Variants in SACS observed in about 807,000 individuals in gnomAD.
SACS encodes sacsin.
Under a neutral mutation model 348.0 loss-of-function variants are expected in SACS, and 197 were observed. That is an observed-to-expected ratio of 0.57 (90% confidence interval 0.50 to 0.64). The LOEUF is 0.64. Among genes scored for constraint, SACS ranks in the 30% least tolerant of loss-of-function variants. The probability of loss-of-function intolerance (pLI) is 0.00; values close to 1 mark genes in which losing one functional copy is unlikely to be tolerated. For synonymous variants in SACS, 1,985 were observed against 1,910.6 expected (o/e 1.04, Z -1.02); for missense variants, 4,999 against 5,360.8 (o/e 0.93, Z 2.11).
chr13:23,414,673 C>G lies in SACS; in HGVS notation c.-501-2933G>C, dbSNP rs536552914. On this transcript the variant is annotated intron_variant, in intron 1 of 9. Transcript: ENST00000382292. ...GTGGCAAATTATTAAATTTTACTCCCCATGGGCAATGATACATTTATTACA... is the reference window on the plus strand; with the variant it reads ...GTGGCAAATTATTAAATTTTACTCCGCATGGGCAATGATACATTTATTACA... Among the ~76,000 whole-genome samples, 15 of 152,330 alleles carry G rather than the reference C, an allele frequency of 9.8e-5. No individual in the cohort carries two copies. The South Asian group carries it at 3.1e-3, about 32-fold the overall frequency.
chr13:23,335,304 T>C lies in SACS; in HGVS notation c.8572A>G (p.Thr2858Ala). 4 of 1,613,900 alleles carry C rather than the reference T, an allele frequency of 2.5e-6. No homozygotes were observed. Among genetic ancestry groups the C allele is most frequent in the Non-Finnish European group, 3.4e-6 (4 of 1,179,866 alleles). ...CTATGGGGTTTTTTATAGTTGTGAG[T>C]AATGCAGGCAGCTACTCCACCACGT... Reference protein sequence around the residue: ...FPRGGVAACITHNYKKPHRAF... With the variant: ...FPRGGVAACIAHNYKKPHRAF... The change falls in exon 10 of 10, where the codon ACT becomes GCT. Residue 2858 changes from threonine (T) to alanine (A), a missense_variant. Thr to Ala is a moderately conservative substitution (Grantham distance 58). This residue lies in a region of SACS where 3,156 missense variants were observed against 3,380.1 expected (regional missense o/e 0.93). Transcript: ENST00000382292. The surrounding 1 kb of genome is among the most constrained non-coding windows in gnomAD (Gnocchi z 4.7).
Position 23,337,452 on chromosome 13 carries a change from G to C in SACS, c.6424C>G (p.Pro2142Ala). Residue 2142 changes from proline to alanine, a missense_variant, in exon 10 of 10, where the codon CCT becomes GCT. Transcript: ENST00000382292. ...TGAACTAGTTTAATCAAAATAATAGGATTGAGATAATCCTGAGTAGAACCA... is the reference window on the plus strand; with the variant it reads ...TGAACTAGTTTAATCAAAATAATAGCATTGAGATAATCCTGAGTAGAACCA... ...PYGSTQDYLN[P>A]IILIKLVQLG... The C allele has an allele frequency of 6.2e-7, 1 of 1,612,726 alleles. No homozygotes were observed. Among genetic ancestry groups the C allele is most frequent in the East Asian group, 2.2e-5 (1 of 44,856 alleles).
At chr13:23,372,893 T>A (rs1286518179) in intron 3 of SACS, among the ~76,000 whole-genome samples, 1 of 152,174 alleles carries the variant, frequency 6.6e-6, no homozygotes, top group East Asian at 1.9e-4. Context: ...GTATATCCTT[T>A]CCTTTGGTTT....
chr13:23,389,207 G>A (rs958357471), intron 2 of SACS, among the ~76,000 whole-genome samples: 16 of 151,906 alleles, frequency 1.1e-4, no homozygotes, highest in Non-Finnish European at 1.2e-4. Flanking sequence ...TGTGTATATA[G>A]CCTGTGTATA....
intron 1 of SACS, among the ~76,000 whole-genome samples, chr13:23,426,133 T>C (rs1874163789): frequency 6.6e-6 from 1 of 152,134 alleles, no homozygotes; most frequent in Non-Finnish European, 1.5e-5. Context: ...CTCTTACTTA[T>C]TCCCCACGAC....
intron 2 of SACS, among the ~76,000 whole-genome samples, chr13:23,379,821 C>T (rs1010377513): frequency 6.6e-6 from 1 of 152,190 alleles, no homozygotes; most frequent in African/African-American, 2.4e-5. Context: ...ACATTAGTTG[C>T]TGCCAACTGC....
rs778972918 is a variant in SACS, at chr13:23,331,150, C to T, written c.12726G>A (p.Leu4242=). 2 of 1,613,958 alleles carry T rather than the reference C, an allele frequency of 1.2e-6. No individual in the cohort carries two copies. The highest frequency in any genetic ancestry group is 4.5e-5 in the East Asian group (2 of 44,882). Residue 4242 remains leucine (L), a synonymous_variant, in exon 10 of 10, where the codon CTG becomes CTA. Transcript: ENST00000382292. ...SEYKIVSSLD[L]YKFSRPEESS... Reference sequence around the variant, plus strand: ...TTTCCTCAGGTCTTGAAAACTTATACAGATCAAGAGAGCTAACTATTTTAT... The same window carrying T: ...TTTCCTCAGGTCTTGAAAACTTATATAGATCAAGAGAGCTAACTATTTTAT...
chr13:23,369,605 C>T (rs747642918), intron 4 of SACS, among the ~76,000 whole-genome samples: 2 of 150,854 alleles, frequency 1.3e-5, no homozygotes, highest in African/African-American at 2.4e-5. Flanking sequence ...AGTGCAGTGG[C>T]GCAATCTCAG....
chr13:23,355,166 C>T lies in SACS; in HGVS notation c.1446G>A (p.Leu482=). The T allele has an allele frequency of 6.2e-7, 1 of 1,614,170 alleles. No individual in the cohort carries two copies. The highest frequency in any genetic ancestry group is 8.5e-7 in the Non-Finnish European group (1 of 1,180,038). The part of the protein sequence containing the change: ...DNRRSIKWRE[L]DQWRDPAALW... The stretch of plus-strand genomic sequence containing the variant: ...AGGCTGCCGGGTCTCTCCACTGGTC[C>T]AGCTCTCTCCATTTTATGCTCCTGC... The change falls in exon 8 of 10, where the codon CTG becomes CTA. Residue 482 remains leucine, a synonymous_variant. Transcript: ENST00000382292.
chr13:23,417,314 A>C (rs1382641493), intron 1 of SACS, among the ~76,000 whole-genome samples: 1 of 152,226 alleles, frequency 6.6e-6, no homozygotes, highest in Non-Finnish European at 1.5e-5. Flanking sequence ...AACCCCAGCA[A>C]CCTTGCAGAA....
chr13:23,397,201 A>C (rs375574404), intron 2 of SACS, among the ~76,000 whole-genome samples: 5 of 152,210 alleles, frequency 3.3e-5, no homozygotes, highest in African/African-American at 9.6e-5. Context: ...TTTGTAAAGG[A>C]AACTATTACA....
rs1252300151 is a variant in SACS at position 23,354,630 on chromosome 13, CT to C, written c.1981del (p.Ser661ValfsTer53). On this transcript the variant is annotated frameshift_variant, in exon 8 of 10. Transcript: ENST00000382292. LOFTEE classifies it high-confidence loss of function. ...LEFVLSDQAYSELLGLELLPL... is the reference protein window; with the variant it reads ...LEFVLSDQAYXELLGLELLPL... ...GAGCAGCTCCAGCCCAAGCAGCTCA[CT>C]GTAGGCTTGGTCAGAAAGCACAAAT... 6.2e-7 allele frequency: 1 copy of C among 1,614,116 alleles called. No individual in the cohort carries two copies. The highest frequency in any genetic ancestry group is 8.5e-7 in the Non-Finnish European group (1 of 1,180,054).
At position 23,355,955 on chromosome 13, in the gene SACS, TTGA is replaced by T; in HGVS notation, c.654_656del (p.His218del). 1 of 1,614,104 alleles carries T rather than the reference TTGA, an allele frequency of 6.2e-7. No homozygotes were observed. The highest frequency in any genetic ancestry group is 8.5e-7 in the Non-Finnish European group (1 of 1,180,010). On this transcript the variant is annotated inframe_deletion, in exon 8 of 10. Coordinates refer to ENST00000382292, the MANE Select transcript of SACS (RefSeq NM_014363.6). ...CTGATTCATGTGGGCCAAAAAGTGT[TTGA>T]TGAGGATCTAGCATCCCGATTTGGT...
chr13:23,365,284 A>G lies in SACS; in HGVS notation c.346-7T>C. On this transcript the variant is annotated splice_region_variant and splice_polypyrimidine_tract_variant and intron_variant, in intron 5 of 9. Transcript: ENST00000382292. ...CTGCATTCTGAATTAATTCCTAACC[A>G]AAAAATATACCAAAAAATAGTAATT... 1 of 1,500,888 alleles carries G rather than the reference A, an allele frequency of 6.7e-7. No individual in the cohort carries two copies. The highest frequency in any genetic ancestry group is 9.2e-7 in the Non-Finnish European group (1 of 1,088,354). The allele number at this position is 1,500,888 out of a possible 1,614,324, so 93.0% of individuals were successfully genotyped here.
In SACS at chr13:23,337,784, G is replaced by A. The variant is rs753422145; in HGVS notation, c.6092C>T (p.Ser2031Phe). 2.5e-6 allele frequency: 4 copies of A among 1,613,838 alleles called. No individual in the cohort carries two copies. Among genetic ancestry groups the A allele is most frequent in the Non-Finnish European group, 2.5e-6 (3 of 1,179,954 alleles). Residue 2031 changes from serine (S) to phenylalanine (F), a missense_variant, in exon 10 of 10, where the codon TCT becomes TTT. Around this residue, in one of 6 missense-constraint regions of SACS, gnomAD observed 3,156 missense variants for 3,380.1 expected, o/e 0.93. Transcript: ENST00000382292. ...SKNLCAVELP[S>F]SVKLGFEEAG... ...TTCTTCAAATCCTAATTTTACCGAA[G>A]AAGGAAGTTCAACAGCACAAAGGTT... is the stretch of plus-strand genomic sequence containing the variant.
At position 23,351,166 on chromosome 13, in the gene SACS, G is replaced by A. The variant is rs75051434; in HGVS notation, c.2185+2619C>T. On this transcript the variant is annotated intron_variant, in intron 9 of 9. Coordinates refer to ENST00000382292, the MANE Select transcript of SACS (RefSeq NM_014363.6). ...GCAAGGTGTCACTTACTGGTTCCCCGTAAGGCCCTATATCATCATGCTCTC... is the reference window on the plus strand; with the variant it reads ...GCAAGGTGTCACTTACTGGTTCCCCATAAGGCCCTATATCATCATGCTCTC... Among the ~76,000 whole-genome samples, 796 of 152,240 alleles carry A rather than the reference G, an allele frequency of 5.2e-3. 5 individuals are homozygous for A. The highest frequency in any genetic ancestry group is 0.018 in the African/African-American group (756 of 41,532).
In SACS at chr13:23,329,947, AG is replaced by A; in HGVS notation, c.*188del. The A allele has an allele frequency of 1.6e-6, 1 of 613,012 alleles. No individual in the cohort carries two copies. The highest frequency in any genetic ancestry group is 2.8e-6 in the Non-Finnish European group (1 of 351,448). 38.0% of individuals were successfully genotyped at this position (613,012 alleles called of 1,614,324 possible). A position where few individuals can be genotyped will look rare whatever the true frequency, so the allele number is the denominator to read the frequency against. On this transcript the variant is annotated 3_prime_UTR_variant, in exon 10 of 10. Coordinates refer to ENST00000382292, the MANE Select transcript of SACS (RefSeq NM_014363.6). ...TGCAGCTCACCACCATCTTCAAAAT[AG>A]TTTTCTTTTAGATTCAGTTAAGGTT...
chr13:23,412,464 A>G (rs1873532515), intron 1 of SACS, among the ~76,000 whole-genome samples: 1 of 133,988 alleles, frequency 7.5e-6, no homozygotes, highest in Admixed American at 8.3e-5. Flanking sequence ...TCCAGGCTGG[A>G]GTGAAGTGGC....
intron 2 of SACS, 60 bp downstream of exon 2, chr13:23,411,160 T>C: frequency 6.9e-7 from 1 of 1,456,008 alleles, no homozygotes; most frequent in Non-Finnish European, 9.6e-7. Flanking sequence ...TTTGGGAAAA[T>C]CCAACAAGTC....
Sources: allele counts gnomAD v4.1 joint callset (sites outside exome capture counted in the v4.1 genomes callset), GRCh38; gene constraint gnomAD v4.1.1; regional missense constraint gnomAD v4.1.1; non-coding constraint Gnocchi (gnomAD v3.1); transcripts MANE v1.5; gene names NCBI Gene and HGNC (gene_info 2026-07-23, HGNC 2026-07-21).